TMTC2: variants seen among roughly 807,000 people sequenced by gnomAD.
The protein encoded by TMTC2 is transmembrane O-mannosyltransferase targeting cadherins 2, also known as protein O-mannosyl-transferase TMTC2.
A neutral mutation model predicts 82.4 loss-of-function variants in TMTC2; 43 were observed. The ratio of observed to expected loss-of-function variants is 0.52; its 90% CI spans 0.41 to 0.67. The LOEUF (loss-of-function observed/expected upper bound fraction) is 0.67. Among genes scored for constraint, TMTC2 ranks in the 30% least tolerant of loss-of-function variants. TMTC2 has a pLI of 0.00. For missense variants in TMTC2, 919 were observed against 1,012.4 expected (o/e 0.91, Z 1.25); for synonymous variants, 408 against 381.9 (o/e 1.07, Z -0.80).
chr12:83,052,111 G>A (rs2137458684), intron 10 of TMTC2, among the ~76,000 whole-genome samples: 1 of 152,014 alleles, frequency 6.6e-6, no homozygotes, highest in African/African-American at 2.4e-5. Flanking sequence ...GGCTTCCAGG[G>A]ATAGATTTAT....
chr12:82,706,517 T>G lies in TMTC2; in HGVS notation c.83+18848T>G, dbSNP rs1201241862. On this transcript the variant is annotated intron_variant, in intron 1 of 11. Transcript: ENST00000321196. Reference sequence around the variant, plus strand: ...CTCTGATAACATTTAAACAATTGTCTGAAGTGGGATAAAATCCAACACAGA... The same window carrying G: ...CTCTGATAACATTTAAACAATTGTCGGAAGTGGGATAAAATCCAACACAGA... Among the ~76,000 whole-genome samples the G allele has an allele frequency of 4.6e-5, 7 of 151,982 alleles. No individual in the cohort carries two copies. The South Asian group carries it at 6.2e-4, about 14-fold the overall frequency.
chr12:82,862,533 C>T (rs994229071), intron 2 of TMTC2, among the ~76,000 whole-genome samples: 7 of 152,066 alleles, frequency 4.6e-5, no homozygotes, highest in African/African-American at 1.7e-4. Context: ...AGATGATTAC[C>T]TTGGTTTTGC....
chr12:82,864,820 T>TA (rs1315669406), intron 2 of TMTC2, among the ~76,000 whole-genome samples: 1 of 151,760 alleles, frequency 6.6e-6, no homozygotes, highest in African/African-American at 2.4e-5. Context: ...TATCATTAAA[T>TA]AAAAAACGTT....
chr12:82,770,474 T>G (rs1877231384), intron 1 of TMTC2, among the ~76,000 whole-genome samples: 1 of 152,024 alleles, frequency 6.6e-6, no homozygotes. Context: ...GAATTTAGTA[T>G]GCCTAAGAAG....
intron 7 of TMTC2, among the ~76,000 whole-genome samples, chr12:82,978,956 T>C (rs1393285645): frequency 6.6e-6 from 1 of 151,694 alleles, no homozygotes; most frequent in Non-Finnish European, 1.5e-5. Context: ...TCTCTTTTTA[T>C]AGTTTCTGTC....
At chr12:82,801,637 T>C (rs1394862607) in intron 1 of TMTC2, among the ~76,000 whole-genome samples, 3 of 152,040 alleles carry the variant, frequency 2.0e-5, no homozygotes, top group Non-Finnish European at 4.4e-5. Context: ...CCAGATCAGC[T>C]AGACACAGAG....
intron 1 of TMTC2, among the ~76,000 whole-genome samples, chr12:82,801,115 A>G (rs977470618): frequency 2.6e-5 from 4 of 152,128 alleles, no homozygotes; most frequent in Non-Finnish European, 4.4e-5. Flanking sequence ...GATAGGCCCC[A>G]TGGGAGGATT....
intron 1 of TMTC2, among the ~76,000 whole-genome samples, chr12:82,779,359 A>T (rs1207292119): frequency 6.6e-6 from 1 of 152,146 alleles, no homozygotes; most frequent in African/African-American, 2.4e-5. Flanking sequence ...GATGTCACTC[A>T]GATAGCAAAT....
intron 3 of TMTC2, among the ~76,000 whole-genome samples, chr12:82,916,017 G>A (rs1429695111): frequency 1.3e-5 from 2 of 152,136 alleles, no homozygotes; most frequent in Non-Finnish European, 2.9e-5. Flanking sequence ...AACATAGAAA[G>A]ACCCAGTATT....
intron 9 of TMTC2, among the ~76,000 whole-genome samples, chr12:83,035,456 T>C (rs1464448651): frequency 6.6e-6 from 1 of 152,204 alleles, no homozygotes; most frequent in Non-Finnish European, 1.5e-5. Flanking sequence ...AAGATTGACA[T>C]GGACTCCAAA....
intron 1 of TMTC2, among the ~76,000 whole-genome samples, chr12:82,800,720 AC>A (rs1469808762): frequency 1.3e-5 from 2 of 152,088 alleles, no homozygotes; most frequent in African/African-American, 4.8e-5. Flanking sequence ...ACACCTCCAC[AC>A]TTTTTTTGCA....
intron 11 of TMTC2, among the ~76,000 whole-genome samples, chr12:83,098,704 G>T: frequency 6.6e-6 from 1 of 152,104 alleles, no homozygotes; most frequent in Non-Finnish European, 1.5e-5. Flanking sequence ...CGAGCAAGGG[G>T]GACCCGACCC....
chr12:82,777,547 G>T (rs947739134), intron 1 of TMTC2, among the ~76,000 whole-genome samples: 1 of 152,020 alleles, frequency 6.6e-6, no homozygotes, highest in Non-Finnish European at 1.5e-5. Context: ...TCTTTTATGT[G>T]TTCAAATCTA....
intron 11 of TMTC2, among the ~76,000 whole-genome samples, chr12:83,118,466 G>A (rs985185528): frequency 4.6e-5 from 7 of 151,668 alleles, no homozygotes; most frequent in African/African-American, 1.7e-4. Context: ...TATGTGGTGT[G>A]TCACATGTAT....
At chr12:82,972,005 G>C (rs1412822369) in intron 7 of TMTC2, among the ~76,000 whole-genome samples, 3 of 152,026 alleles carry the variant, frequency 2.0e-5, no homozygotes, top group Non-Finnish European at 2.9e-5. Flanking sequence ...CTCTAACCTT[G>C]AAAATATTTT....
At chr12:82,801,358 CAA>C (rs1156557707) in intron 1 of TMTC2, among the ~76,000 whole-genome samples, 1 of 152,186 alleles carries the variant, frequency 6.6e-6, no homozygotes, top group East Asian at 1.9e-4. Flanking sequence ...AGTGTGGACC[CAA>C]AGAGTGAGCA....
chr12:83,092,874 G>A (rs1306262477), intron 11 of TMTC2, among the ~76,000 whole-genome samples: 1 of 152,180 alleles, frequency 6.6e-6, no homozygotes, highest in Non-Finnish European at 1.5e-5. Context: ...ACAAAAGCAG[G>A]AAGGATTCTT....
At chr12:82,887,148 C>T (rs891090103) in intron 2 of TMTC2, among the ~76,000 whole-genome samples, 4 of 152,104 alleles carry the variant, frequency 2.6e-5, no homozygotes, top group African/African-American at 4.8e-5. Flanking sequence ...AATTTATTCT[C>T]GTTAGTTTGC....
chr12:82,922,972 C>T (rs956781226), intron 3 of TMTC2, among the ~76,000 whole-genome samples: 1 of 152,160 alleles, frequency 6.6e-6, no homozygotes, highest in Non-Finnish European at 1.5e-5. Flanking sequence ...CATTCTCTTA[C>T]GTGCTTTCTA....
Sources: allele counts gnomAD v4.1 joint callset (sites outside exome capture counted in the v4.1 genomes callset), GRCh38; gene constraint gnomAD v4.1.1; transcripts MANE v1.5; gene names NCBI Gene and HGNC (gene_info 2026-07-23, HGNC 2026-07-21).